WDPCP: variants seen among roughly 807,000 people sequenced by gnomAD.
The protein encoded by WDPCP is WD repeat-containing and planar cell polarity effector protein fritz homolog.
Under a neutral mutation model 93.1 loss-of-function variants are expected in WDPCP, and 71 were observed. That is an observed-to-expected ratio of 0.76 (90% CI 0.63 to 0.93). WDPCP has a LOEUF of 0.93. WDPCP is among the 40% of genes least tolerant of loss of function. The pLI is 0.00. For synonymous variants in WDPCP, 315 were observed against 315.0 expected, an observed-to-expected ratio of 1.00 and a Z score of 0.00; for missense variants, 844 against 887.4, an observed-to-expected ratio of 0.95 and a Z score of 0.62.
intron 14 of WDPCP, among the ~76,000 whole-genome samples, chr2:63,192,951 A>G (rs1675156280): frequency 1.3e-5 from 2 of 152,236 alleles, no homozygotes; most frequent in South Asian, 2.1e-4. Context: ...GCTCTACTTA[A>G]CAGAAACCAT....
chr2:63,675,610 C>G (rs1277376355), intron 2 of WDPCP, among the ~76,000 whole-genome samples: 1 of 151,990 alleles, frequency 6.6e-6, no homozygotes, highest in Non-Finnish European at 1.5e-5. Flanking sequence ...TATGCTTAGT[C>G]CTCCAAATTT....
chr2:63,575,465 A>ACAC (rs751954591), intron 1 of WDPCP, among the ~76,000 whole-genome samples: 424 of 13,134 alleles, frequency 0.032, 94 homozygotes, highest in East Asian at 0.11. Flanking sequence ...TACAGTATAT[A>ACAC]TGCAGTATAT....
In WDPCP at chr2:63,710,034, G is replaced by C. The variant is rs144678965; in HGVS notation, n.309-59196C>G. Among the ~76,000 whole-genome samples the C allele has an allele frequency of 1.2e-3, 179 of 152,308 alleles. 1 individual carries two copies. Among genetic ancestry groups the C allele is most frequent in the African/African-American group, 3.8e-3 (160 of 41,566 alleles). ...GAAATAAATTGAGAAAAAAAAGCTT[G>C]AGTTTCACAATAGGAAATTTCATTA... is the stretch of plus-strand genomic sequence containing the variant. On this transcript the variant is annotated intron_variant and non_coding_transcript_variant, in intron 2 of 4. Transcript: ENST00000467687.
intron 3 of WDPCP, chr2:63,607,163 G>A (rs144561667): frequency 4.5e-6 from 2 of 446,472 alleles, no homozygotes; most frequent in Admixed American, 4.1e-5. Context: ...CATGCTGTTA[G>A]TGTGCATTCT....
In WDPCP at chr2:63,575,388, C is replaced by A. The variant is rs554059058; in HGVS notation, c.75+12809G>T. Among the ~76,000 whole-genome samples, 800 of 110,320 alleles carry A rather than the reference C, an allele frequency of 7.3e-3. 60 individuals carry two copies. The highest frequency in any genetic ancestry group is 0.022 in the African/African-American group (627 of 28,086). 72.4% of individuals were successfully genotyped at this position (110,320 alleles called of 152,430 possible). On this transcript the variant is annotated intron_variant, in intron 1 of 17. Coordinates refer to ENST00000272321, the MANE Select transcript of WDPCP (RefSeq NM_015910.7). ...ATATACAGTATATACAGTATATACA[C>A]GGTATATACAGTATATATACAGTAT... is the stretch of plus-strand genomic sequence containing the variant.
rs376101280 is a variant in WDPCP, at chr2:63,741,132, T to C, written n.308+72490A>G. ...TTTAGGGAAGGAAGCTGGAATTTTC[T>C]GGATAAAGGTTGACTCTAACAATCA... On this transcript the variant is annotated intron_variant and non_coding_transcript_variant, in intron 2 of 4. Coordinates refer to the WDPCP transcript ENST00000467687. Among the ~76,000 whole-genome samples, 6 of 152,262 alleles carry C rather than the reference T, an allele frequency of 3.9e-5. No homozygotes were observed. The East Asian group carries it at 9.6e-4, about 24-fold the overall frequency.
intron 13 of WDPCP, among the ~76,000 whole-genome samples, 194 bp from the exon 14 acceptor site, chr2:63,259,603 A>T (rs939287190): frequency 6.6e-6 from 1 of 152,204 alleles, no homozygotes; most frequent in Non-Finnish European, 1.5e-5. Flanking sequence ...GCTATAACTA[A>T]AGGCAAGTAT....
chr2:63,489,406 C>A (rs1420399057), intron 2 of WDPCP, among the ~76,000 whole-genome samples: 2 of 152,004 alleles, frequency 1.3e-5, no homozygotes, highest in Non-Finnish European at 2.9e-5. Flanking sequence ...TACATAGATA[C>A]ATACATTCTG....
intron 17 of WDPCP, among the ~76,000 whole-genome samples, chr2:63,133,795 C>T (rs928078275): frequency 2.0e-5 from 3 of 152,116 alleles, no homozygotes; most frequent in East Asian, 1.9e-4. Context: ...TGGACTAATA[C>T]AGGTGGAATT....
chr2:63,637,388 GAAAC>G (rs1709931428), intron 3 of WDPCP, among the ~76,000 whole-genome samples: 1 of 38,952 alleles, frequency 2.6e-5, no homozygotes, highest in African/African-American at 1.1e-4. Context: ...CAAAAACAAA[GAAAC>G]AAACAAAAAA....
At chr2:63,815,609 A>C (rs1670921850) in intron 1 of WDPCP, among the ~76,000 whole-genome samples, 1 of 152,174 alleles carries the variant, frequency 6.6e-6, no homozygotes, top group Non-Finnish European at 1.5e-5. Context: ...CATACTCTTA[A>C]ATACAGCTGG....
At chr2:63,516,583 G>T (rs151241516) in intron 1 of WDPCP, among the ~76,000 whole-genome samples, 1 of 152,076 alleles carries the variant, frequency 6.6e-6, no homozygotes, top group Non-Finnish European at 1.5e-5. Flanking sequence ...AAGAGGAGGG[G>T]ATGCTGGACT....
At position 63,304,688 on chromosome 2, in the gene WDPCP, G is replaced by A. The variant is rs950958429; in HGVS notation, c.1812+8560C>T. Among the ~76,000 whole-genome samples the A allele has an allele frequency of 1.1e-4, 16 of 152,254 alleles. No individual in the cohort carries two copies. The East Asian group carries it at 2.1e-3, about 20-fold the overall frequency. ...CTTGGTGGCTGTTTGGGAAGACACC[G>A]AGCTAGCTGCAGGAGTTTTTTTTCA... On this transcript the variant is annotated intron_variant, in intron 13 of 17. Coordinates refer to ENST00000272321, the MANE Select transcript of WDPCP (RefSeq NM_015910.7).
intron 2 of WDPCP, among the ~76,000 whole-genome samples, chr2:63,806,532 G>A (rs1011683058): frequency 6.6e-6 from 1 of 152,168 alleles, no homozygotes; most frequent in Non-Finnish European, 1.5e-5. Context: ...CAGGAGACAG[G>A]GTTTTGAGAT....
chr2:63,312,537 G>T (rs1244439720), intron 13 of WDPCP, among the ~76,000 whole-genome samples: 1 of 152,202 alleles, frequency 6.6e-6, no homozygotes, highest in African/African-American at 2.4e-5. Context: ...AGAACCTTTT[G>T]CTCTGTTGTT....
In WDPCP at chr2:63,382,070, C is replaced by G. The variant is rs769679304; in HGVS notation, c.1460G>C (p.Gly487Ala). Reference sequence around the variant, plus strand: ...GTACTGGAAGATGATGTCTATCAGGCCCAGCTGTCCTCGAGTGAAGACGCC... The same window carrying G: ...GTACTGGAAGATGATGTCTATCAGGGCCAGCTGTCCTCGAGTGAAGACGCC... ...KLGVFTRGQL[G>A]LIDIIFQYIH... Residue 487 changes from glycine (G) to alanine (A), a missense_variant, in exon 11 of 18, where the codon GGC becomes GCC. By Grantham distance (60) the Gly-to-Ala change is moderately conservative. Transcript: ENST00000272321. The G allele has an allele frequency of 6.2e-7, 1 of 1,612,928 alleles. No individual in the cohort carries two copies. Among genetic ancestry groups the G allele is most frequent in the Non-Finnish European group, 8.5e-7 (1 of 1,179,612 alleles).
intron 2 of WDPCP, among the ~76,000 whole-genome samples, chr2:63,799,498 G>A (rs1670663552): frequency 6.6e-6 from 1 of 152,140 alleles, no homozygotes; most frequent in South Asian, 2.1e-4. Context: ...CCCTGATGGA[G>A]ACAACCACTC....
intron 13 of WDPCP, among the ~76,000 whole-genome samples, chr2:63,306,831 C>G (rs984380727): frequency 1.3e-5 from 2 of 152,172 alleles, no homozygotes; most frequent in Non-Finnish European, 2.9e-5. Context: ...AAAACCAGCA[C>G]AAGACAGGGA....
chr2:63,253,111 C>T (rs1257359178), intron 14 of WDPCP, among the ~76,000 whole-genome samples: 1 of 152,040 alleles, frequency 6.6e-6, no homozygotes, highest in African/African-American at 2.4e-5. Context: ...AATAAAGCCA[C>T]ACATCTACAG....
Sources: allele counts gnomAD v4.1 joint callset (sites outside exome capture counted in the v4.1 genomes callset), GRCh38; gene constraint gnomAD v4.1.1; transcripts MANE v1.5; gene names NCBI Gene and HGNC (gene_info 2026-07-23, HGNC 2026-07-21).